Variants in MAPK8 observed in about 807,000 individuals in gnomAD.
MAPK8 encodes JUN N-terminal kinase.
Under a neutral mutation model 52.9 loss-of-function variants are expected in MAPK8, and 13 were observed. The ratio of observed to expected loss-of-function variants is 0.25; its 90% CI spans 0.16 to 0.39. MAPK8 has a LOEUF of 0.39. Among genes scored for constraint, MAPK8 ranks in the 10% least tolerant of loss-of-function variants. The pLI is 1.00. For missense variants in MAPK8, 300 were observed against 519.2 expected, an observed-to-expected ratio of 0.58 and a Z score of 4.10; for synonymous variants, 191 against 169.8, an observed-to-expected ratio of 1.12 and a Z score of -0.97.
chr10:48,406,191 G>T (rs981296979), intron 3 of MAPK8, among the ~76,000 whole-genome samples: 9 of 152,228 alleles, frequency 5.9e-5, no homozygotes, highest in African/African-American at 2.2e-4. Flanking sequence ...ACGTAAAAAA[G>T]GTCCAGAGAC....
intron 1 of MAPK8, among the ~76,000 whole-genome samples, chr10:48,313,171 G>A (rs961047663): frequency 3.9e-5 from 6 of 152,140 alleles, no homozygotes; most frequent in Non-Finnish European, 2.9e-5. Context: ...GGTGGCTCAC[G>A]CCTGTAATCT....
At chr10:48,346,219 T>C (rs962590814) in intron 1 of MAPK8, among the ~76,000 whole-genome samples, 3 of 152,330 alleles carry the variant, frequency 2.0e-5, no homozygotes, top group East Asian at 3.9e-4. Flanking sequence ...ATACCAGATA[T>C]AGATCTTAGA....
chr10:48,336,832 A>T, intron 1 of MAPK8, among the ~76,000 whole-genome samples: 1 of 152,176 alleles, frequency 6.6e-6, no homozygotes, highest in Non-Finnish European at 1.5e-5. Flanking sequence ...AGGTGTTGCT[A>T]TTGTTGTATC....
intron 5 of MAPK8, among the ~76,000 whole-genome samples, chr10:48,413,932 C>T (rs1287796642): frequency 6.9e-6 from 1 of 145,686 alleles, no homozygotes; most frequent in Non-Finnish European, 1.5e-5. Flanking sequence ...ACATGCCATA[C>T]AATTTATTCA....
At chr10:48,420,403 C>T (rs1172579315) in intron 6 of MAPK8, 83 bp downstream of exon 6, 2 of 1,285,492 alleles carry the variant, frequency 1.6e-6, no homozygotes, top group African/African-American at 3.0e-5. Flanking sequence ...AATACTTAAG[C>T]AGAAGTACGT....
chr10:48,362,723 C>G (rs1235724244), intron 1 of MAPK8, among the ~76,000 whole-genome samples: 1 of 147,118 alleles, frequency 6.8e-6, no homozygotes, highest in African/African-American at 2.5e-5. Flanking sequence ...TTTGTGATTT[C>G]CAAAATTTTA....
chr10:48,309,365 G>A (rs1447855240), intron 1 of MAPK8, among the ~76,000 whole-genome samples: 1 of 152,104 alleles, frequency 6.6e-6, no homozygotes, highest in Non-Finnish European at 1.5e-5. Flanking sequence ...ATCCTTTAAA[G>A]TAAGAGATAT....
chr10:48,377,037 A>G (rs2698759), intron 1 of MAPK8, among the ~76,000 whole-genome samples: 123,159 of 152,182 alleles, frequency 0.81, 50,030 homozygotes, highest in Middle Eastern at 0.9. Flanking sequence ...CTCCACAGCC[A>G]TAAAAAGGAT....
chr10:48,341,863 G>A (rs150088397), intron 1 of MAPK8, among the ~76,000 whole-genome samples: 2 of 152,356 alleles, frequency 1.3e-5, no homozygotes, highest in African/African-American at 2.4e-5. Flanking sequence ...GGATGAGCAG[G>A]AGCTCAATAG....
intron 1 of MAPK8, among the ~76,000 whole-genome samples, chr10:48,334,671 C>T (rs1421430075): frequency 1.3e-5 from 2 of 152,134 alleles, no homozygotes; most frequent in Non-Finnish European, 2.9e-5. Flanking sequence ...CCCTTTTCGG[C>T]CGGAGTCTGA....
At chr10:48,322,913 C>T (rs927529853) in intron 1 of MAPK8, among the ~76,000 whole-genome samples, 4 of 152,132 alleles carry the variant, frequency 2.6e-5, no homozygotes, top group African/African-American at 9.7e-5. Context: ...GGGACTTGGG[C>T]AGGTGTCCAG....
chr10:48,413,183 A>G (rs913435216), intron 5 of MAPK8, among the ~76,000 whole-genome samples: 1 of 152,164 alleles, frequency 6.6e-6, no homozygotes, highest in African/African-American at 2.4e-5. Flanking sequence ...TTGCTTATCC[A>G]TTCATCAGTC....
intron 1 of MAPK8, among the ~76,000 whole-genome samples, chr10:48,321,245 G>A (rs1173763446): frequency 1.3e-5 from 2 of 151,788 alleles, no homozygotes; most frequent in African/African-American, 2.4e-5. Flanking sequence ...CCACAGGTGT[G>A]CCCTGCTAAT....
intron 1 of MAPK8, among the ~76,000 whole-genome samples, chr10:48,348,768 C>T (rs1285041416): frequency 1.3e-5 from 2 of 152,046 alleles, no homozygotes; most frequent in Non-Finnish European, 2.9e-5. Flanking sequence ...GTACCAGTAC[C>T]ATGCTGTTTT....
At chr10:48,343,779 G>A (rs1374085378) in intron 1 of MAPK8, among the ~76,000 whole-genome samples, 1 of 152,204 alleles carries the variant, frequency 6.6e-6, no homozygotes, top group South Asian at 2.1e-4. Flanking sequence ...AGAAAATTTT[G>A]TGTTGGAGAG....
At position 48,313,170 on chromosome 10, in the gene MAPK8, C is replaced by T. The variant is rs139619240; in HGVS notation, c.-50+6349C>T. Among the ~76,000 whole-genome samples, 224 of 152,284 alleles carry T rather than the reference C, an allele frequency of 1.5e-3. 1 individual carries two copies. Among genetic ancestry groups the T allele is most frequent in the African/African-American group, 5.0e-3 (206 of 41,550 alleles). ...GACATAGGCCAGGCGCGGTGGCTCA[C>T]GCCTGTAATCTGAGCACTTTGGGAG... is the stretch of plus-strand genomic sequence containing the variant. On this transcript the variant is annotated intron_variant, in intron 1 of 11. Transcript: ENST00000374189.
chr10:48,403,917 T>TTGTGTGTG (rs71465463), intron 2 of MAPK8, among the ~76,000 whole-genome samples: 11,928 of 125,574 alleles, frequency 0.095, 693 homozygotes, highest in Non-Finnish European at 0.12. Flanking sequence ...CCCGGCTAAT[T>TTGTGTGTG]TGTGTGTGTG....
chr10:48,375,655 A>G (rs1409414242), intron 1 of MAPK8, among the ~76,000 whole-genome samples: 1 of 152,210 alleles, frequency 6.6e-6, no homozygotes, highest in Non-Finnish European at 1.5e-5. Flanking sequence ...AGAGTAAAAT[A>G]AAATACCTAG....
intron 1 of MAPK8, among the ~76,000 whole-genome samples, chr10:48,363,255 A>G (rs746945462): frequency 4.3e-4 from 66 of 152,358 alleles, no homozygotes; most frequent in Admixed American, 1.1e-3. Flanking sequence ...TGCCATAACC[A>G]TAATTGAATG....
Sources: allele counts gnomAD v4.1 joint callset (sites outside exome capture counted in the v4.1 genomes callset), GRCh38; gene constraint gnomAD v4.1.1; transcripts MANE v1.5; gene names NCBI Gene and HGNC (gene_info 2026-07-23, HGNC 2026-07-21).